KTN1: variants seen among roughly 807,000 people sequenced by gnomAD.
KTN1 encodes kinectin 1.
Under a neutral mutation model 222.5 loss-of-function variants are expected in KTN1, and 130 were observed. That is an observed-to-expected ratio of 0.58 (90% confidence interval 0.51 to 0.68). The LOEUF is 0.68. Among genes scored for constraint, KTN1 ranks in the 30% least tolerant of loss-of-function variants. The probability of loss-of-function intolerance (pLI) is 0.00; values close to 1 mark genes in which losing one functional copy is unlikely to be tolerated. For synonymous variants in KTN1, 512 were observed against 496.3 expected (o/e 1.03, Z -0.42); for missense variants, 1,508 against 1,500.4 (o/e 1.01, Z -0.08).
Position 55,670,764 on chromosome 14 carries a change from G to A in KTN1, c.3303G>A (p.Lys1101=), listed in dbSNP as rs1273030274. Residue 1101 remains lysine (K), a synonymous_variant, in exon 35 of 44, where the codon AAG becomes AAA. Transcript: ENST00000395314. The part of the protein sequence containing the change: ...YGEWLHGFEK[K]AKECMAGTSG... ...AATGGTTGCATGGATTTGAAAAAAA[G>A]GCAAAAGAATGTATGGCTGGAACTT... The A allele has an allele frequency of 4.3e-6, 7 of 1,609,714 alleles. No homozygotes were observed. In the East Asian group the frequency reaches 9.0e-5, roughly 21 times the overall value.
intron 1 of KTN1, among the ~76,000 whole-genome samples, chr14:55,587,596 C>T (rs565355451): frequency 5.9e-5 from 9 of 152,312 alleles, no homozygotes; most frequent in Non-Finnish European, 1.2e-4. Context: ...TTACGTGCCA[C>T]CAACCTGTAC....
At chr14:55,683,820 G>T (rs2046568650) in intron 43 of KTN1, 1 of 343,126 alleles carries the variant, frequency 2.9e-6, no homozygotes, top group Admixed American at 4.9e-5. Context: ...ACATTCTCTT[G>T]AGTAGGACTA....
chr14:55,624,608 A>T (rs923748007), intron 5 of KTN1, among the ~76,000 whole-genome samples: 2 of 152,208 alleles, frequency 1.3e-5, no homozygotes, highest in African/African-American at 4.8e-5. Flanking sequence ...CACTATCAAC[A>T]GTACATATGG....
intron 27 of KTN1, 32 bp downstream of exon 27, chr14:55,653,117 A>G (rs549579194): frequency 1.5e-6 from 2 of 1,292,866 alleles, no homozygotes; most frequent in East Asian, 2.3e-5. Context: ...AACATGTTAC[A>G]TAAGGAATGA....
intron 4 of KTN1, among the ~76,000 whole-genome samples, chr14:55,618,741 T>G (rs955620979): frequency 6.6e-6 from 1 of 152,192 alleles, no homozygotes; most frequent in African/African-American, 2.4e-5. Flanking sequence ...CAGATTTCCT[T>G]TTTACAATTA....
intron 18 of KTN1, among the ~76,000 whole-genome samples, chr14:55,646,381 A>G (rs776017171): frequency 6.6e-6 from 1 of 151,754 alleles, no homozygotes; most frequent in Non-Finnish European, 1.5e-5. Flanking sequence ...AAAAGAGCCC[A>G]TGTTTGTCTG....
chr14:55,631,341 G>GATATATATATATATATATATATATAT (rs56190231), intron 7 of KTN1, among the ~76,000 whole-genome samples: 27 of 114,684 alleles, frequency 2.4e-4, no homozygotes, highest in African/African-American at 9.1e-4. Context: ...TGATAAGGTT[G>GATATATATATATATATATATATATAT]ATATATATAT....
chr14:55,683,885 T>A (rs1356344632), intron 43 of KTN1, among the ~76,000 whole-genome samples: 1 of 152,180 alleles, frequency 6.6e-6, no homozygotes, highest in Non-Finnish European at 1.5e-5. Flanking sequence ...AGAATTTGGC[T>A]CACATTTAAA....
chr14:55,672,370 A>G, intron 37 of KTN1: 1 of 319,322 alleles, frequency 3.1e-6, no homozygotes, highest in Non-Finnish European at 5.7e-6. Context: ...TGCAGAATAA[A>G]TACAGCTGAA....
intron 11 of KTN1, 138 bp from the exon 12 acceptor site, chr14:55,637,641 A>G: frequency 1.5e-6 from 1 of 647,828 alleles, no homozygotes. Flanking sequence ...TGTTTAAAAT[A>G]ATGCCTTTTG....
At chr14:55,604,979 T>G (rs369507262) in intron 1 of KTN1, among the ~76,000 whole-genome samples, 8 of 152,330 alleles carry the variant, frequency 5.3e-5, no homozygotes, top group African/African-American at 1.9e-4. Context: ...CTTTTCTAGC[T>G]GGTCGTCCCA....
chr14:55,675,812 G>T (rs555835167), intron 40 of KTN1, 23 bp from the exon 41 acceptor site: 1 of 1,469,920 alleles, frequency 6.8e-7, no homozygotes, highest in African/African-American at 1.4e-5. Flanking sequence ...TAAGTTAATT[G>T]TGGTGTTCCT....
chr14:55,610,033 A>G (rs1213278929), intron 1 of KTN1, among the ~76,000 whole-genome samples: 1 of 152,170 alleles, frequency 6.6e-6, no homozygotes, highest in East Asian at 1.9e-4. Context: ...TTCTTTTAGT[A>G]TTTTGTTAGC....
intron 32 of KTN1, chr14:55,662,755 C>T: frequency 2.8e-6 from 1 of 354,506 alleles, no homozygotes. Flanking sequence ...TCTTGTACCC[C>T]TGAGTTTGTC....
Position 55,634,591 on chromosome 14 carries a change from A to G in KTN1, c.1394A>G (p.Lys465Arg). The G allele has an allele frequency of 1.2e-6, 2 of 1,613,988 alleles. No homozygotes were observed. The highest frequency in any genetic ancestry group is 2.2e-5 in the South Asian group (2 of 91,056). The change falls in exon 9 of 44, where the codon AAA becomes AGA. Residue 465 changes from lysine to arginine, a missense_variant. Coordinates refer to ENST00000395314, the MANE Select transcript of KTN1 (RefSeq NM_001079521.2). ...YARLVNELTE[K>R]TGKLQQEEVQ... ...AGGTTGGTGAATGAGCTGACTGAGA[A>G]AACAGGAAAGCTACAGCAAGAGGAA...
intron 1 of KTN1, among the ~76,000 whole-genome samples, chr14:55,599,336 T>G (rs1400806926): frequency 6.6e-6 from 1 of 152,192 alleles, no homozygotes; most frequent in African/African-American, 2.4e-5. Context: ...AGTTCACCTC[T>G]GGCAGGAGTA....
At chr14:55,623,804 A>G (rs550752621) in intron 5 of KTN1, among the ~76,000 whole-genome samples, 2 of 152,350 alleles carry the variant, frequency 1.3e-5, no homozygotes, top group Admixed American at 6.5e-5. Context: ...TGAAGTTACT[A>G]TGTTACTATA....
At chr14:55,656,865 G>A (rs2043540391) in intron 29 of KTN1, among the ~76,000 whole-genome samples, 1 of 152,160 alleles carries the variant, frequency 6.6e-6, no homozygotes, top group Non-Finnish European at 1.5e-5. Flanking sequence ...CCTTGCACAT[G>A]TTTTGAATAC....
intron 5 of KTN1, among the ~76,000 whole-genome samples, chr14:55,623,000 C>A (rs946263170): frequency 6.6e-6 from 1 of 152,150 alleles, no homozygotes; most frequent in Admixed American, 6.5e-5. Flanking sequence ...TCTGTCTGTC[C>A]TATCTCCCCT....
Sources: gnomAD v4.1 joint callset for allele counts (sites outside exome capture counted in the v4.1 genomes callset) on GRCh38, gnomAD v4.1.1 for gene constraint, MANE v1.5 for transcripts, NCBI Gene and HGNC (gene_info 2026-07-23, HGNC 2026-07-21) for gene names.